The following PTPRK variants were observed in gnomAD, a reference collection of about 807,000 sequenced individuals.
PTPRK encodes receptor-type tyrosine-protein phosphatase kappa.
In PTPRK, 75 loss-of-function variants were observed where a neutral mutation model predicts 178.0. That is an observed-to-expected ratio of 0.42 (90% confidence interval 0.35 to 0.51). The LOEUF is 0.51. PTPRK is among the 20% of genes least tolerant of loss of function. The pLI is 0.02. For missense variants in PTPRK, 1,441 were observed against 1,797.8 expected (o/e 0.80, Z 3.59); for synonymous variants, 637 against 620.6 (o/e 1.03, Z -0.39).
intron 12 of PTPRK, among the ~76,000 whole-genome samples, chr6:128,065,820 A>G (rs1434604915): frequency 1.3e-5 from 2 of 152,174 alleles, no homozygotes; most frequent in East Asian, 1.9e-4. Context: ...AAAGGCCCCA[A>G]AGGATTTTCA....
At chr6:128,168,565 T>A (rs2114634184) in intron 7 of PTPRK, among the ~76,000 whole-genome samples, 1 of 152,168 alleles carries the variant, frequency 6.6e-6, no homozygotes, top group East Asian at 1.9e-4. Context: ...GAGCACCACC[T>A]CCTGCCATAT....
chr6:128,197,575 G>A (rs188323610), intron 6 of PTPRK, among the ~76,000 whole-genome samples: 2 of 152,064 alleles, frequency 1.3e-5, no homozygotes, highest in Non-Finnish European at 2.9e-5. Flanking sequence ...TGTACTCATT[G>A]TATATTTTCT....
intron 7 of PTPRK, among the ~76,000 whole-genome samples, chr6:128,106,465 C>T (rs1789735928): frequency 6.6e-6 from 1 of 151,796 alleles, no homozygotes; most frequent in Non-Finnish European, 1.5e-5. Context: ...GATTACTTTG[C>T]CCATTTTCAG....
chr6:128,505,953 T>C (rs1856270806), intron 1 of PTPRK, among the ~76,000 whole-genome samples: 1 of 152,214 alleles, frequency 6.6e-6, no homozygotes, highest in African/African-American at 2.4e-5. Flanking sequence ...GATTTGAAAC[T>C]ACCTCATTGT....
intron 1 of PTPRK, among the ~76,000 whole-genome samples, chr6:128,442,636 G>C (rs985960126): frequency 1.3e-5 from 2 of 152,040 alleles, no homozygotes; most frequent in Non-Finnish European, 2.9e-5. Flanking sequence ...CCCACACAGT[G>C]GTGAGCTTCC....
At position 127,969,954 on chromosome 6, in the gene PTPRK, A is replaced by C; in HGVS notation, c.*273T>G. ...AAAAAAGGTGGCATGTTCACTGTAC[A>C]AACACCAATACGTTCTCATTTCAAT... is the stretch of plus-strand genomic sequence containing the variant. On this transcript the variant is annotated 3_prime_UTR_variant, in exon 30 of 30. Transcript: ENST00000368226. The C allele has an allele frequency of 9.6e-6, 3 of 310,928 alleles. No homozygotes were observed. The allele number at this position is 310,928 out of a possible 1,614,324, so 19.3% of individuals were successfully genotyped here.
chr6:128,269,621 C>T (rs1347825889), intron 3 of PTPRK, among the ~76,000 whole-genome samples: 1 of 151,886 alleles, frequency 6.6e-6, no homozygotes, highest in Non-Finnish European at 1.5e-5. Context: ...TTGCAGGGTG[C>T]CCTACATTTG....
intron 2 of PTPRK, among the ~76,000 whole-genome samples, chr6:128,378,717 C>T (rs1414053529): frequency 6.6e-6 from 1 of 151,966 alleles, no homozygotes; most frequent in Non-Finnish European, 1.5e-5. Flanking sequence ...GTGAAATATG[C>T]CATATAACTG....
At chr6:127,984,681 T>C (rs996454489) in intron 22 of PTPRK, among the ~76,000 whole-genome samples, 3 of 152,156 alleles carry the variant, frequency 2.0e-5, no homozygotes, top group Non-Finnish European at 4.4e-5. Flanking sequence ...GTTATTCAGA[T>C]TTGGTCACTT....
At chr6:128,431,017 C>T in intron 1 of PTPRK, among the ~76,000 whole-genome samples, 1 of 150,602 alleles carries the variant, frequency 6.6e-6, no homozygotes, top group African/African-American at 2.4e-5. Context: ...CGGCTCACTG[C>T]AACCTCTACC....
chr6:128,480,422 C>G (rs1458729185), intron 1 of PTPRK, among the ~76,000 whole-genome samples: 1 of 152,148 alleles, frequency 6.6e-6, no homozygotes, highest in East Asian at 1.9e-4. Flanking sequence ...GACTCTTTCT[C>G]TTCTTTATCA....
chr6:127,970,558 A>G (rs1773790750), intron 29 of PTPRK, among the ~76,000 whole-genome samples: 1 of 152,106 alleles, frequency 6.6e-6, no homozygotes, highest in South Asian at 2.1e-4. Context: ...TGTTTATAAT[A>G]GTAATATTTG....
At position 128,219,099 on chromosome 6, in the gene PTPRK, G is replaced by A. The variant is rs758178548; in HGVS notation, c.694-3C>T. 1 of 1,606,524 alleles carries A rather than the reference G, an allele frequency of 6.2e-7. No homozygotes were observed. The highest frequency in any genetic ancestry group is 8.5e-7 in the Non-Finnish European group (1 of 1,175,440). On this transcript the variant is annotated splice_polypyrimidine_tract_variant and splice_region_variant and intron_variant, in intron 5 of 29. Coordinates refer to ENST00000368226, the MANE Select transcript of PTPRK (RefSeq NM_002844.4). ...GGTATATCTTCTCCATTTCGTCTCTGCAAACAGAAACCAATCTTTAAAAAC... is the reference window on the plus strand; with the variant it reads ...GGTATATCTTCTCCATTTCGTCTCTACAAACAGAAACCAATCTTTAAAAAC...
At chr6:128,462,477 A>G (rs1198459569) in intron 1 of PTPRK, among the ~76,000 whole-genome samples, 3 of 152,070 alleles carry the variant, frequency 2.0e-5, no homozygotes, top group Non-Finnish European at 4.4e-5. Flanking sequence ...ACAGATCTCA[A>G]TTCAGACTAC....
At chr6:128,005,933 T>G in intron 14 of PTPRK, 1 of 996,276 alleles carries the variant, frequency 1.0e-6, no homozygotes, top group Non-Finnish European at 1.4e-6. Flanking sequence ...TTTTGAAATG[T>G]CACCAAAATT....
At chr6:128,509,712 T>A (rs1585022491) in intron 1 of PTPRK, among the ~76,000 whole-genome samples, 1 of 152,046 alleles carries the variant, frequency 6.6e-6, no homozygotes, top group African/African-American at 2.4e-5. Context: ...AAATGAAAGA[T>A]CAAGCAGAAA....
At chr6:128,081,080 T>C (rs1183807951) in intron 10 of PTPRK, among the ~76,000 whole-genome samples, 1 of 152,072 alleles carries the variant, frequency 6.6e-6, no homozygotes, top group Non-Finnish European at 1.5e-5. Context: ...TTCTCAGTTT[T>C]GTTAGTTTAT....
At chr6:127,989,814 G>GTT (rs35498015) in intron 21 of PTPRK, among the ~76,000 whole-genome samples, 3 of 147,312 alleles carry the variant, frequency 2.0e-5, no homozygotes, top group Non-Finnish European at 1.5e-5. Context: ...AGAGATTCTA[G>GTT]TTTTTTTTTT....
At position 127,990,813 on chromosome 6, in the gene PTPRK, C is replaced by T; in HGVS notation, c.3052G>A (p.Glu1018Lys). ...GDFKVTCVEM[E>K]PLAEYVVRTF... ...CTAACTACATATTCAGCAAGTGGTT[C>T]CATTTCTACACACGTTACTTTGAAG... The change falls in exon 21 of 30, where the codon GAA (glutamate) becomes AAA (lysine). Residue 1018 changes from glutamate to lysine, a missense_variant. Glu to Lys is a moderately conservative substitution (Grantham distance 56). Coordinates refer to ENST00000368226, the MANE Select transcript of PTPRK (RefSeq NM_002844.4). The T allele has an allele frequency of 6.2e-7, 1 of 1,611,682 alleles. No homozygotes were observed. The highest frequency in any genetic ancestry group is 2.2e-5 in the East Asian group (1 of 44,778).
Sources: allele counts gnomAD v4.1 joint callset (sites outside exome capture counted in the v4.1 genomes callset), GRCh38; gene constraint gnomAD v4.1.1; transcripts MANE v1.5; gene names NCBI Gene and HGNC (gene_info 2026-07-23, HGNC 2026-07-21).